The following RORA variants were observed in gnomAD, a reference collection of about 807,000 sequenced individuals.
RORA encodes nuclear receptor ROR-alpha.
A neutral mutation model predicts 69.5 loss-of-function variants in RORA; 7 were observed. The ratio of observed to expected loss-of-function variants is 0.10; its 90% confidence interval spans 0.06 to 0.19. The LOEUF (loss-of-function observed/expected upper bound fraction) is 0.19, where lower values mean the gene tolerates loss of function less well. Ranked by LOEUF, RORA falls within the 10% of genes least tolerant of loss-of-function variation. RORA has a pLI of 1.00. For synonymous variants in RORA, 261 were observed against 240.8 expected, an observed-to-expected ratio of 1.08 and a Z score of -0.78; for missense variants, 457 against 663.0, an observed-to-expected ratio of 0.69 and a Z score of 3.41.
intron 1 of RORA, among the ~76,000 whole-genome samples, chr15:61,059,078 G>A (rs1191075459): frequency 6.6e-6 from 1 of 152,296 alleles, no homozygotes; most frequent in Non-Finnish European, 1.5e-5. Context: ...AAATACTCCT[G>A]CATCTTCCTC....
intron 1 of RORA, among the ~76,000 whole-genome samples, chr15:61,199,345 A>G (rs2079874770): frequency 6.6e-6 from 1 of 152,226 alleles, no homozygotes. Flanking sequence ...GAATACACGA[A>G]CGAATCCAAT....
intron 2 of RORA, among the ~76,000 whole-genome samples, chr15:60,547,069 T>A (rs2067093348): frequency 6.6e-6 from 1 of 152,206 alleles, no homozygotes. Flanking sequence ...TCCTATGTTG[T>A]GGTGGATGAT....
At chr15:60,819,296 C>T (rs2140376158) in intron 1 of RORA, among the ~76,000 whole-genome samples, 1 of 152,204 alleles carries the variant, frequency 6.6e-6, no homozygotes, top group Middle Eastern at 3.4e-3. Flanking sequence ...CCATGATGTA[C>T]AAGAAAAGAA....
At chr15:61,211,236 C>A (rs1471545037) in intron 1 of RORA, among the ~76,000 whole-genome samples, 1 of 149,012 alleles carries the variant, frequency 6.7e-6, no homozygotes, top group Non-Finnish European at 1.5e-5. Context: ...GAGTGTATAA[C>A]TGGAAGGGCT....
intron 1 of RORA, among the ~76,000 whole-genome samples, chr15:60,814,964 C>G (rs1303304084): frequency 6.6e-6 from 1 of 152,158 alleles, no homozygotes; most frequent in Non-Finnish European, 1.5e-5. Context: ...TGCCTAGGCA[C>G]TAGGTGAATC....
Position 60,495,217 on chromosome 15 carries a change from T to G in RORA, c.*2238A>C, listed in dbSNP as rs2065137763. 1 of 152,224 alleles carries G rather than the reference T, an allele frequency of 6.6e-6. No individual in the cohort carries two copies. Among genetic ancestry groups the G allele is most frequent in the African/African-American group, 2.4e-5 (1 of 41,460 alleles). 9.4% of individuals were successfully genotyped at this position (152,224 alleles called of 1,614,324 possible). On this transcript the variant is annotated 3_prime_UTR_variant, in exon 11 of 11. Coordinates refer to ENST00000335670, the MANE Select transcript of RORA (RefSeq NM_134261.3). ...ATAACTGAACTAAGCTTGGTACTCTTTTCAGAGTATAAATACTACTGATCT... is the reference window on the plus strand; with the variant it reads ...ATAACTGAACTAAGCTTGGTACTCTGTTCAGAGTATAAATACTACTGATCT...
chr15:61,067,334 G>A (rs1014519349), intron 1 of RORA, among the ~76,000 whole-genome samples: 5 of 151,674 alleles, frequency 3.3e-5, no homozygotes, highest in African/African-American at 1.2e-4. Context: ...CTTGACTCCT[G>A]ACCTTGTGAT....
chr15:61,066,718 A>G (rs1376055090), intron 1 of RORA, among the ~76,000 whole-genome samples: 1 of 151,676 alleles, frequency 6.6e-6, no homozygotes, highest in Non-Finnish European at 1.5e-5. Flanking sequence ...GCGAGCCACT[A>G]TGCCCCGCTG....
Position 60,497,584 on chromosome 15 carries a change from A to G in RORA, c.1443T>C (p.Cys481=). 1.2e-6 allele frequency: 2 copies of G among 1,612,866 alleles called. No homozygotes were observed. The highest frequency in any genetic ancestry group is 1.7e-6 in the Non-Finnish European group (2 of 1,178,826). The change falls in exon 11 of 11, where the codon TGT becomes TGC. Residue 481 remains cysteine (C), a synonymous_variant. Coordinates refer to ENST00000335670, the MANE Select transcript of RORA (RefSeq NM_134261.3). The stretch of plus-strand genomic sequence containing the variant: ...CCATTAGCTTTTCTGTATGTCGTCC[A>G]CATAAGGCTCTTAAGGTAGACACCT... The part of the protein sequence containing the change: ...ICKVSTLRAL[C]GRHTEKLMAF...
chr15:60,864,176 G>C (rs187661041), intron 1 of RORA, among the ~76,000 whole-genome samples: 1 of 152,256 alleles, frequency 6.6e-6, no homozygotes, highest in African/African-American at 2.4e-5. Context: ...TGGTTTAAGT[G>C]TTAATATTTT....
At chr15:60,713,814 T>C (rs192111157) in intron 1 of RORA, among the ~76,000 whole-genome samples, 15 of 152,298 alleles carry the variant, frequency 9.8e-5, no homozygotes, top group Admixed American at 2.0e-4. Flanking sequence ...TATAAACTAC[T>C]ATCATCATTT....
intron 1 of RORA, among the ~76,000 whole-genome samples, chr15:60,825,320 T>C (rs1298782635): frequency 2.0e-5 from 3 of 152,198 alleles, no homozygotes; most frequent in Admixed American, 6.5e-5. Flanking sequence ...GCAATTATCA[T>C]ACAGGAAAGT....
chr15:61,009,455 C>T (rs1314154100), intron 1 of RORA, among the ~76,000 whole-genome samples: 1 of 152,154 alleles, frequency 6.6e-6, no homozygotes, highest in East Asian at 1.9e-4. Context: ...AGATGTCCAC[C>T]TTGATTCATC....
At chr15:60,817,158 T>TTGTTTTTAA (rs2072829647) in intron 1 of RORA, among the ~76,000 whole-genome samples, 1 of 152,200 alleles carries the variant, frequency 6.6e-6, no homozygotes. Flanking sequence ...TTTTTAGCAA[T>TTGTTTTTAA]TTTGAAGTAC....
intron 1 of RORA, among the ~76,000 whole-genome samples, chr15:61,222,191 G>T (rs1019882148): frequency 6.6e-6 from 1 of 152,092 alleles, no homozygotes; most frequent in Non-Finnish European, 1.5e-5. Context: ...TGTACTCTCA[G>T]CTGTCAGTGG....
chr15:61,019,199 C>G (rs543930942), intron 1 of RORA, among the ~76,000 whole-genome samples: 1 of 152,224 alleles, frequency 6.6e-6, no homozygotes, highest in African/African-American at 2.4e-5. Flanking sequence ...CAGCGCTCCA[C>G]GCAGCTCCTC....
intron 1 of RORA, among the ~76,000 whole-genome samples, chr15:60,923,766 C>A (rs1236302780): frequency 6.6e-6 from 1 of 152,186 alleles, no homozygotes; most frequent in African/African-American, 2.4e-5. Flanking sequence ...TATGTTCCCA[C>A]TACAGATCAC....
At chr15:60,548,144 T>C (rs1309841206) in intron 2 of RORA, among the ~76,000 whole-genome samples, 1 of 152,194 alleles carries the variant, frequency 6.6e-6, no homozygotes, top group African/African-American at 2.4e-5. Context: ...GAAAATTATA[T>C]GAGAAGAAGT....
chr15:60,593,131 G>C (rs2068588476), intron 2 of RORA: 2 of 309,066 alleles, frequency 6.5e-6, no homozygotes, highest in African/African-American at 4.6e-5. Flanking sequence ...GGAGAGACTC[G>C]GCCTGGGCGG....
Sources: gnomAD v4.1 joint callset for allele counts (sites outside exome capture counted in the v4.1 genomes callset) on GRCh38, gnomAD v4.1.1 for gene constraint, MANE v1.5 for transcripts, NCBI Gene and HGNC (gene_info 2026-07-23, HGNC 2026-07-21) for gene names.